The following FUT9 variants were observed in gnomAD, a reference collection of about 807,000 sequenced individuals.
FUT9 encodes the protein fucosyltransferase 9.
Under a neutral mutation model 29.7 loss-of-function variants are expected in FUT9, and 15 were observed. The observed-to-expected ratio is 0.51, with a 90% CI of 0.34 to 0.78. The LOEUF (loss-of-function observed/expected upper bound fraction) is 0.78, where lower values mean the gene tolerates loss of function less well. Ranked by LOEUF, FUT9 falls within the 30% of genes least tolerant of loss-of-function variation. The pLI is 0.01. For missense variants in FUT9, 319 were observed against 425.4 expected, an observed-to-expected ratio of 0.75 and a Z score of 2.20; for synonymous variants, 169 against 153.7, an observed-to-expected ratio of 1.10 and a Z score of -0.74.
At chr6:96,116,224 G>C (rs1282621003) in intron 2 of FUT9, among the ~76,000 whole-genome samples, 1 of 152,102 alleles carries the variant, frequency 6.6e-6, no homozygotes, top group Non-Finnish European at 1.5e-5. Context: ...ACAGTAAGAT[G>C]CCAGAACATA....
Position 96,204,112 on chromosome 6 carries a change from G to T in FUT9, c.957G>T (p.Arg319Ser). 3 of 1,504,944 alleles carry T rather than the reference G, an allele frequency of 2.0e-6. No individual in the cohort carries two copies. The highest frequency in any genetic ancestry group is 2.7e-6 in the Non-Finnish European group (3 of 1,127,166). The allele number at this position is 1,504,944 out of a possible 1,614,324, so 93.2% of individuals were successfully genotyped here. Reference protein sequence around the residue: ...NKLYLSYFNWRKDFTVNLPRF... With the variant: ...NKLYLSYFNWSKDFTVNLPRF... ...TATACCTTAGTTACTTTAACTGGAG[G>T]AAGGATTTCACTGTAAATCTTCCAC... The change falls in exon 3 of 3, where the codon AGG becomes AGT. Residue 319 changes from arginine to serine, a missense_variant. By Grantham distance (110) the Arg-to-Ser change is moderately radical. Coordinates refer to ENST00000302103, the MANE Select transcript of FUT9 (RefSeq NM_006581.4).
intron 2 of FUT9, among the ~76,000 whole-genome samples, chr6:96,148,823 T>G (rs180708243): frequency 1.3e-5 from 2 of 152,278 alleles, no homozygotes; most frequent in East Asian, 3.9e-4. Flanking sequence ...CTAACTAGTC[T>G]TATGTGACCC....
intron 1 of FUT9, among the ~76,000 whole-genome samples, chr6:96,090,584 C>G (rs1228736888): frequency 2.6e-5 from 4 of 151,122 alleles, no homozygotes; most frequent in Non-Finnish European, 5.9e-5. Context: ...AAAACTGATG[C>G]TAAGTAAAAG....
At chr6:96,195,287 G>C (rs1773603259) in intron 2 of FUT9, among the ~76,000 whole-genome samples, 1 of 152,096 alleles carries the variant, frequency 6.6e-6, no homozygotes, top group Non-Finnish European at 1.5e-5. Flanking sequence ...AGAGAGTTCT[G>C]AGGAATATTT....
intron 2 of FUT9, among the ~76,000 whole-genome samples, chr6:96,149,865 C>A (rs1000776383): frequency 1.3e-5 from 2 of 152,068 alleles, no homozygotes; most frequent in African/African-American, 4.8e-5. Context: ...CAATTCCACT[C>A]TTTTAGTTAT....
At chr6:96,069,977 T>C (rs768891779) in intron 1 of FUT9, among the ~76,000 whole-genome samples, 6 of 151,952 alleles carry the variant, frequency 3.9e-5, no homozygotes, top group Non-Finnish European at 7.4e-5. Context: ...CACAAAATAA[T>C]TAAAACAGAG....
At chr6:96,019,756 C>T (rs1186057210) in intron 1 of FUT9, among the ~76,000 whole-genome samples, 1 of 151,790 alleles carries the variant, frequency 6.6e-6, no homozygotes, top group South Asian at 2.1e-4. Context: ...ATGGAATGCT[C>T]GGCATTCTTA....
chr6:96,197,484 C>T (rs190846730), intron 2 of FUT9, among the ~76,000 whole-genome samples: 43 of 152,202 alleles, frequency 2.8e-4, no homozygotes, highest in Non-Finnish European at 4.4e-5. Context: ...TTCAATTTGT[C>T]AGTGATTCAT....
At chr6:96,046,585 C>A (rs996156360) in intron 1 of FUT9, among the ~76,000 whole-genome samples, 1 of 152,164 alleles carries the variant, frequency 6.6e-6, no homozygotes, top group African/African-American at 2.4e-5. Context: ...TACACCCTAA[C>A]TCTATGGACA....
chr6:96,164,678 G>A (rs2127981129), intron 2 of FUT9, among the ~76,000 whole-genome samples: 1 of 152,268 alleles, frequency 6.6e-6, no homozygotes, highest in South Asian at 2.1e-4. Context: ...AAATTCCAAA[G>A]AAAGGAAGGC....
chr6:96,086,290 T>C (rs560116699), intron 1 of FUT9, among the ~76,000 whole-genome samples: 1 of 152,334 alleles, frequency 6.6e-6, no homozygotes, highest in South Asian at 2.1e-4. Flanking sequence ...ATCCACATAT[T>C]TGCTAGCTAT....
intron 1 of FUT9, among the ~76,000 whole-genome samples, chr6:96,067,704 T>C (rs1308554627): frequency 6.6e-6 from 1 of 152,042 alleles, no homozygotes; most frequent in Non-Finnish European, 1.5e-5. Context: ...TATAGAATTG[T>C]GGTTGGAAGT....
intron 1 of FUT9, among the ~76,000 whole-genome samples, chr6:96,019,467 C>T (rs1393887551): frequency 6.6e-6 from 1 of 151,938 alleles, no homozygotes; most frequent in Non-Finnish European, 1.5e-5. Flanking sequence ...CCAAATTACA[C>T]TTGTAAGTAT....
intron 1 of FUT9, among the ~76,000 whole-genome samples, chr6:96,042,501 A>G (rs1210479079): frequency 1.8e-4 from 27 of 152,198 alleles, no homozygotes; most frequent in Non-Finnish European, 3.4e-4. Flanking sequence ...TGGAATATAC[A>G]TCTAATTATT....
chr6:96,151,878 G>A (rs565998279), intron 2 of FUT9, among the ~76,000 whole-genome samples: 7 of 152,238 alleles, frequency 4.6e-5, no homozygotes, highest in Admixed American at 1.3e-4. Flanking sequence ...ACCATAAAAC[G>A]ATTTCTCAAG....
intron 1 of FUT9, among the ~76,000 whole-genome samples, chr6:96,050,165 T>C (rs1320828232): frequency 6.6e-6 from 1 of 152,054 alleles, no homozygotes; most frequent in African/African-American, 2.4e-5. Context: ...GATATAGTTA[T>C]TAAGAATTTC....
At chr6:96,185,604 A>G (rs1052728316) in intron 2 of FUT9, among the ~76,000 whole-genome samples, 14 of 152,158 alleles carry the variant, frequency 9.2e-5, no homozygotes, top group African/African-American at 3.4e-4. Context: ...GCAAAAATAT[A>G]GAATAATCTG....
At chr6:96,193,543 T>A (rs1455387092) in intron 2 of FUT9, among the ~76,000 whole-genome samples, 13 of 151,132 alleles carry the variant, frequency 8.6e-5, no homozygotes, top group Admixed American at 8.6e-4. Flanking sequence ...CATGAAAAAA[T>A]CAGGAAACAA....
chr6:96,133,078 C>T (rs993785489), intron 2 of FUT9, among the ~76,000 whole-genome samples: 13 of 151,836 alleles, frequency 8.6e-5, no homozygotes, highest in Admixed American at 5.3e-4. Context: ...GTCTTTTATC[C>T]CTCATCCCCC....
Sources: gnomAD v4.1 joint callset for allele counts (sites outside exome capture counted in the v4.1 genomes callset) on GRCh38, gnomAD v4.1.1 for gene constraint, MANE v1.5 for transcripts, NCBI Gene and HGNC (gene_info 2026-07-23, HGNC 2026-07-21) for gene names.